The following UNC13C variants were observed in gnomAD, a reference collection of about 807,000 sequenced individuals.
UNC13C encodes the protein protein unc-13 homolog C.
Under a neutral mutation model 245.4 loss-of-function variants are expected in UNC13C, and 174 were observed. That is an observed-to-expected ratio of 0.71 (90% CI 0.63 to 0.80). The LOEUF is 0.80. Among genes scored for constraint, UNC13C ranks in the 30% least tolerant of loss-of-function variants. The pLI, the probability that UNC13C is intolerant of heterozygous loss-of-function variation, is 0.00. For synonymous variants in UNC13C, 992 were observed against 895.1 expected, an observed-to-expected ratio of 1.11 and a Z score of -1.93; for missense variants, 2,829 against 2,602.9, an observed-to-expected ratio of 1.09 and a Z score of -1.89.
chr15:53,846,620 T>C, the UNC13C span, among the ~76,000 whole-genome samples: 1 of 152,232 alleles, frequency 6.6e-6, no homozygotes, highest in African/African-American at 2.4e-5. Context: ...AGCATATTTA[T>C]GTATTAATAT....
chr15:54,488,014 A>G (rs909325729), intron 19 of UNC13C, among the ~76,000 whole-genome samples: 3 of 152,040 alleles, frequency 2.0e-5, no homozygotes, highest in African/African-American at 7.2e-5. Flanking sequence ...TCTTGCCTCC[A>G]AAGATATCCC....
chr15:54,600,194 A>G lies in UNC13C; in HGVS notation c.6107-22133A>G, dbSNP rs550399869. Among the ~76,000 whole-genome samples, 4 of 152,212 alleles carry G rather than the reference A, an allele frequency of 2.6e-5. 1 individual carries two copies. Among genetic ancestry groups the G allele is most frequent in the Admixed American group, 6.6e-5 (1 of 15,266 alleles). On this transcript the variant is annotated intron_variant, in intron 30 of 32. Coordinates refer to ENST00000260323, the MANE Select transcript of UNC13C (RefSeq NM_001080534.3). ...AGTGAGAGAGTGATTTCATGGTAGCACATATTTGTGTCAGAACGTGGTAGG... is the reference window on the plus strand; with the variant it reads ...AGTGAGAGAGTGATTTCATGGTAGCGCATATTTGTGTCAGAACGTGGTAGG...
intron 16 of UNC13C, among the ~76,000 whole-genome samples, chr15:54,335,341 A>G (rs1173788722): frequency 6.6e-6 from 1 of 152,130 alleles, no homozygotes; most frequent in African/African-American, 2.4e-5. Context: ...ATAGTCATCT[A>G]TACATTTCTT....
the UNC13C span, among the ~76,000 whole-genome samples, chr15:53,908,758 A>AAAG: frequency 1.4e-3 from 201 of 143,408 alleles, 9 homozygotes; most frequent in African/African-American, 4.9e-3. Context: ...TCTCCAAAAA[A>AAAG]AAAAAAAAAA....
At chr15:53,858,610 G>A in the UNC13C span, among the ~76,000 whole-genome samples, 2 of 151,806 alleles carry the variant, frequency 1.3e-5, no homozygotes, top group East Asian at 1.9e-4. Context: ...TCATAGAGAC[G>A]GGGTTTCACC....
chr15:54,556,863 G>A (rs1414103947), intron 29 of UNC13C, among the ~76,000 whole-genome samples: 1 of 151,924 alleles, frequency 6.6e-6, no homozygotes, highest in Non-Finnish European at 1.5e-5. Context: ...AGGAAAGGAA[G>A]GAAAATGTGT....
At chr15:54,316,000 T>C (rs972925885) in intron 13 of UNC13C, among the ~76,000 whole-genome samples, 10 of 151,808 alleles carry the variant, frequency 6.6e-5, no homozygotes, top group African/African-American at 2.4e-4. Flanking sequence ...ACTTTCACCT[T>C]CCTTAAACTC....
At chr15:53,874,218 A>T in the UNC13C span, among the ~76,000 whole-genome samples, 2 of 152,142 alleles carry the variant, frequency 1.3e-5, no homozygotes, top group East Asian at 3.8e-4. Context: ...TAAAAATAAT[A>T]GCTAGATTTT....
chr15:53,952,187 T>C, the UNC13C span, among the ~76,000 whole-genome samples: 1 of 152,192 alleles, frequency 6.6e-6, no homozygotes, highest in Non-Finnish European at 1.5e-5. Flanking sequence ...GTAGGGATTC[T>C]GAAGATGTTG....
intron 4 of UNC13C, among the ~76,000 whole-genome samples, chr15:54,160,508 C>G (rs1156630299): frequency 6.6e-6 from 1 of 151,634 alleles, no homozygotes; most frequent in East Asian, 1.9e-4. Flanking sequence ...TCTGAAAAAA[C>G]TAAATTACAA....
chr15:53,918,008 G>T, the UNC13C span, among the ~76,000 whole-genome samples: 3 of 152,164 alleles, frequency 2.0e-5, no homozygotes, highest in African/African-American at 4.8e-5. Flanking sequence ...GGCACGGGGG[G>T]TAGCAGTTGG....
the UNC13C span, among the ~76,000 whole-genome samples, chr15:53,939,376 C>T: frequency 2.2e-4 from 34 of 151,990 alleles, no homozygotes; most frequent in Non-Finnish European, 2.9e-4. Flanking sequence ...CCCCGGGACC[C>T]GATGGATTTA....
chr15:54,351,453 A>G (rs1051651257), intron 17 of UNC13C, among the ~76,000 whole-genome samples: 2 of 152,184 alleles, frequency 1.3e-5, no homozygotes, highest in African/African-American at 2.4e-5. Context: ...AATCTGTTTA[A>G]GAACTGTTTT....
At chr15:54,090,093 A>G (rs374783425) in intron 2 of UNC13C, among the ~76,000 whole-genome samples, 1 of 152,184 alleles carries the variant, frequency 6.6e-6, no homozygotes, top group African/African-American at 2.4e-5. Flanking sequence ...CTCCGAAGAC[A>G]TGCATCACCT....
At chr15:54,040,206 A>G (rs1447116082) in intron 2 of UNC13C, among the ~76,000 whole-genome samples, 1 of 152,190 alleles carries the variant, frequency 6.6e-6, no homozygotes, top group African/African-American at 2.4e-5. Context: ...ACTCTAAGAC[A>G]GGGTAAATGC....
chr15:54,265,075 A>G (rs2036519115), intron 9 of UNC13C, among the ~76,000 whole-genome samples: 2 of 151,986 alleles, frequency 1.3e-5, no homozygotes, highest in South Asian at 2.1e-4. Flanking sequence ...TCCTCTGTAC[A>G]TGTATGCAGT....
intron 20 of UNC13C, among the ~76,000 whole-genome samples, chr15:54,497,384 A>C (rs1022540086): frequency 2.0e-5 from 3 of 152,144 alleles, no homozygotes; most frequent in Admixed American, 6.6e-5. Context: ...CAGAGTTTAC[A>C]GCTGTCTCCC....
chr15:54,271,571 G>T (rs1380864833), intron 10 of UNC13C, among the ~76,000 whole-genome samples: 1 of 152,154 alleles, frequency 6.6e-6, no homozygotes, highest in Non-Finnish European at 1.5e-5. Context: ...ATATGTTGAT[G>T]CTGTTCTCTG....
chr15:54,402,376 A>G (rs2040205439), intron 18 of UNC13C, among the ~76,000 whole-genome samples: 1 of 152,198 alleles, frequency 6.6e-6, no homozygotes, highest in South Asian at 2.1e-4. Flanking sequence ...CTAAGTGCAT[A>G]AGGGTACTGC....
Sources: allele counts gnomAD v4.1 joint callset (sites outside exome capture counted in the v4.1 genomes callset), GRCh38; gene constraint gnomAD v4.1.1; transcripts MANE v1.5; gene names NCBI Gene and HGNC (gene_info 2026-07-23, HGNC 2026-07-21).